ASIC2: variants seen among roughly 807,000 people sequenced by gnomAD.
The protein encoded by ASIC2 is acid sensing ion channel subunit 2.
Under a neutral mutation model 57.3 loss-of-function variants are expected in ASIC2, and 25 were observed. That is an observed-to-expected ratio of 0.44 (90% CI 0.32 to 0.61). The LOEUF (loss-of-function observed/expected upper bound fraction) is 0.61, where lower values mean the gene tolerates loss of function less well. ASIC2 is among the 20% of genes least tolerant of loss of function. ASIC2 has a pLI of 0.06. For synonymous variants in ASIC2, 319 were observed against 307.5 expected, an observed-to-expected ratio of 1.04 and a Z score of -0.39; for missense variants, 641 against 738.1, an observed-to-expected ratio of 0.87 and a Z score of 1.52.
intron 1 of ASIC2, among the ~76,000 whole-genome samples, chr17:33,811,791 C>T (rs902992471): frequency 6.6e-6 from 1 of 152,214 alleles, no homozygotes; most frequent in African/African-American, 2.4e-5. Context: ...AGTGGTACAG[C>T]TGGAACTCAA....
intron 3 of ASIC2, among the ~76,000 whole-genome samples, chr17:33,056,971 C>T (rs1478988017): frequency 1.3e-5 from 2 of 152,150 alleles, no homozygotes; most frequent in Admixed American, 1.3e-4. Flanking sequence ...TATTTACTTC[C>T]ACAACATCAA....
At chr17:33,726,880 A>G (rs1909578740) in intron 1 of ASIC2, among the ~76,000 whole-genome samples, 1 of 152,244 alleles carries the variant, frequency 6.6e-6, no homozygotes, top group Non-Finnish European at 1.5e-5. Flanking sequence ...AGGTTCAGAG[A>G]TACTTGGTCT....
intron 1 of ASIC2, among the ~76,000 whole-genome samples, chr17:33,469,620 C>T (rs1597739861): frequency 6.6e-6 from 1 of 152,164 alleles, no homozygotes; most frequent in Non-Finnish European, 1.5e-5. Flanking sequence ...CAGCTGTGGA[C>T]TCGACTCTCA....
chr17:33,128,032 A>G (rs1179642085), intron 1 of ASIC2, among the ~76,000 whole-genome samples: 1 of 152,346 alleles, frequency 6.6e-6, no homozygotes, highest in Non-Finnish European at 1.5e-5. Context: ...GCTTTCAGAC[A>G]TGCTGACATC....
At chr17:33,834,412 A>T (rs1438223742) in intron 1 of ASIC2, 3 of 152,238 alleles carry the variant, frequency 2.0e-5, no homozygotes, top group African/African-American at 4.8e-5. Context: ...AAGCTCATCA[A>T]ATAACGTCCA....
At chr17:33,810,458 C>A (rs1431869139) in intron 1 of ASIC2, among the ~76,000 whole-genome samples, 2 of 152,074 alleles carry the variant, frequency 1.3e-5, no homozygotes, top group African/African-American at 4.8e-5. Flanking sequence ...TTAAAGAACC[C>A]AGGTAATGAT....
chr17:33,072,688 T>C (rs898930704), intron 3 of ASIC2, among the ~76,000 whole-genome samples: 2 of 152,202 alleles, frequency 1.3e-5, no homozygotes, highest in Non-Finnish European at 1.5e-5. Context: ...AGAGGTATAG[T>C]GATCTGCTCA....
chr17:33,727,129 A>C lies in ASIC2; in HGVS notation c.555+428849T>G, dbSNP rs558052019. On this transcript the variant is annotated intron_variant, in intron 1 of 9. Transcript: ENST00000359872. ...AATATACTTTGTACTCCTAAATGGA[A>C]CTCTACTCAAAAATAGGGGAAACTC... is the stretch of plus-strand genomic sequence containing the variant. Among the ~76,000 whole-genome samples, 308 of 152,270 alleles carry C rather than the reference A, an allele frequency of 2.0e-3. 1 individual carries two copies. Among genetic ancestry groups the C allele is most frequent in the African/African-American group, 7.1e-3 (296 of 41,540 alleles).
chr17:33,335,543 C>G (rs927247538), intron 1 of ASIC2, among the ~76,000 whole-genome samples: 1 of 145,380 alleles, frequency 6.9e-6, no homozygotes, highest in Admixed American at 7.1e-5. Context: ...CATATTCTAC[C>G]ACTCCAGGCT....
chr17:34,061,133 G>C (rs1166526885), intron 1 of ASIC2, among the ~76,000 whole-genome samples: 1 of 152,168 alleles, frequency 6.6e-6, no homozygotes, highest in Non-Finnish European at 1.5e-5. Context: ...AAACCTATCA[G>C]ATTAACAGCG....
intron 1 of ASIC2, among the ~76,000 whole-genome samples, chr17:33,687,603 G>A (rs941535330): frequency 3.3e-5 from 5 of 152,154 alleles, no homozygotes; most frequent in African/African-American, 9.7e-5. Flanking sequence ...CCCAGCCCAC[G>A]CAGCTCTCAT....
chr17:33,284,422 T>C (rs1214408700), intron 1 of ASIC2, among the ~76,000 whole-genome samples: 2 of 152,188 alleles, frequency 1.3e-5, no homozygotes, highest in Non-Finnish European at 2.9e-5. Context: ...TAGATCTACT[T>C]CTCTTCTGTT....
intron 1 of ASIC2, among the ~76,000 whole-genome samples, chr17:33,999,792 A>G (rs2142014528): frequency 6.6e-6 from 1 of 152,238 alleles, no homozygotes; most frequent in Non-Finnish European, 1.5e-5. Context: ...AAAGTGGTTT[A>G]TACACCACCA....
intron 1 of ASIC2, among the ~76,000 whole-genome samples, chr17:33,550,420 G>A (rs761092499): frequency 5.9e-5 from 9 of 152,222 alleles, no homozygotes; most frequent in Non-Finnish European, 1.3e-4. Flanking sequence ...GATGTTAACA[G>A]GGCGGGACAA....
intron 1 of ASIC2, among the ~76,000 whole-genome samples, chr17:33,217,933 G>T (rs567392241): frequency 6.6e-6 from 1 of 152,154 alleles, no homozygotes. Context: ...TGAGAAAAGG[G>T]ACCCAAAATG....
intron 1 of ASIC2, among the ~76,000 whole-genome samples, chr17:33,136,328 G>A (rs1284289513): frequency 3.3e-5 from 5 of 152,162 alleles, no homozygotes; most frequent in East Asian, 3.8e-4. Flanking sequence ...TGGGTTATAC[G>A]GTCCAGAGGT....
intron 1 of ASIC2, chr17:34,039,225 T>G (rs1451594268): frequency 9.9e-6 from 16 of 1,613,890 alleles, no homozygotes; most frequent in Non-Finnish European, 1.4e-5. Flanking sequence ...GTGCAGATAT[T>G]TTTTCTATTG....
intron 1 of ASIC2, among the ~76,000 whole-genome samples, chr17:34,104,895 TTTC>T: frequency 1.3e-5 from 2 of 152,160 alleles, no homozygotes; most frequent in East Asian, 3.9e-4. Flanking sequence ...TGAAGAATAT[TTTC>T]TTCCCTTTTA....
intron 1 of ASIC2, among the ~76,000 whole-genome samples, chr17:34,124,686 T>G (rs1276410257): frequency 1.3e-5 from 2 of 152,162 alleles, no homozygotes; most frequent in African/African-American, 2.4e-5. Context: ...GCCAGCATGG[T>G]CAGGCTCTTC....
Sources: allele counts gnomAD v4.1 joint callset (sites outside exome capture counted in the v4.1 genomes callset), GRCh38; gene constraint gnomAD v4.1.1; transcripts MANE v1.5; gene names NCBI Gene and HGNC (gene_info 2026-07-23, HGNC 2026-07-21).